The following KCNU1 variants were observed in gnomAD, a reference collection of about 807,000 sequenced individuals.
KCNU1 encodes potassium channel subfamily U member 1.
A neutral mutation model predicts 126.8 loss-of-function variants in KCNU1; 93 were observed. The observed-to-expected ratio is 0.73, with a 90% CI of 0.62 to 0.87. KCNU1 has a LOEUF of 0.87. Ranked by LOEUF, KCNU1 falls within the 40% of genes least tolerant of loss-of-function variation. The pLI is 0.00. For missense variants in KCNU1, 1,330 were observed against 1,367.1 expected (o/e 0.97, Z 0.43); for synonymous variants, 523 against 494.2 (o/e 1.06, Z -0.77).
At chr8:36,814,627 T>C (rs1039221265) in intron 8 of KCNU1, among the ~76,000 whole-genome samples, 3 of 152,162 alleles carry the variant, frequency 2.0e-5, no homozygotes, top group African/African-American at 4.8e-5. Flanking sequence ...CTTATTAAGC[T>C]CTACATTGAT....
At chr8:36,900,279 A>T (rs1191299935) in intron 19 of KCNU1, among the ~76,000 whole-genome samples, 1 of 152,142 alleles carries the variant, frequency 6.6e-6, no homozygotes, top group Non-Finnish European at 1.5e-5. Context: ...CTTGGCGCTC[A>T]CAGGATCTCT....
At chr8:36,848,912 C>G (rs1301626427) in intron 18 of KCNU1, among the ~76,000 whole-genome samples, 2 of 152,084 alleles carry the variant, frequency 1.3e-5, no homozygotes, top group Non-Finnish European at 1.5e-5. Context: ...TGGGTTCTTT[C>G]TCAGAGATCA....
intron 19 of KCNU1, among the ~76,000 whole-genome samples, chr8:36,865,024 G>A (rs12679589): frequency 0.35 from 53,210 of 151,940 alleles, 9,959 homozygotes; most frequent in Admixed American, 0.42. Context: ...ATTTTAATTA[G>A]AGGGGCAATT....
At chr8:36,825,663 A>T (rs1804291907) in intron 10 of KCNU1, among the ~76,000 whole-genome samples, 2 of 152,288 alleles carry the variant, frequency 1.3e-5, no homozygotes, top group South Asian at 4.1e-4. Flanking sequence ...CATTGTACCC[A>T]TTAAGTAATT....
At chr8:36,893,069 C>T (rs181751482) in intron 19 of KCNU1, among the ~76,000 whole-genome samples, 2 of 152,134 alleles carry the variant, frequency 1.3e-5, no homozygotes, top group Non-Finnish European at 2.9e-5. Context: ...TCAAGCAATT[C>T]TCCTGACTCA....
At chr8:36,865,824 C>A (rs1374765847) in intron 19 of KCNU1, among the ~76,000 whole-genome samples, 6 of 144,436 alleles carry the variant, frequency 4.2e-5, no homozygotes, top group Non-Finnish European at 9.1e-5. Flanking sequence ...ATGTCATACA[C>A]ACACACAGAA....
At chr8:36,931,433 G>A (rs1808700590) in intron 25 of KCNU1, among the ~76,000 whole-genome samples, 1 of 152,058 alleles carries the variant, frequency 6.6e-6, no homozygotes, top group Non-Finnish European at 1.5e-5. Flanking sequence ...GCATCGGAGA[G>A]GCCTGGCAAC....
At chr8:36,888,600 G>A (rs1455186674) in intron 19 of KCNU1, 1 of 533,978 alleles carries the variant, frequency 1.9e-6, no homozygotes, top group Non-Finnish European at 3.8e-6. Context: ...AAGACAACAG[G>A]GAACACTGAT....
chr8:36,847,984 G>GT (rs925593703), intron 18 of KCNU1, among the ~76,000 whole-genome samples: 1 of 152,088 alleles, frequency 6.6e-6, no homozygotes, highest in East Asian at 1.9e-4. Context: ...GTTTTGTTTT[G>GT]TTTTTTGTCT....
intron 19 of KCNU1, among the ~76,000 whole-genome samples, chr8:36,896,786 T>G (rs1807208545): frequency 6.6e-6 from 1 of 152,006 alleles, no homozygotes; most frequent in Admixed American, 6.6e-5. Context: ...GCTTTTGATA[T>G]GAAAAAGAAA....
chr8:36,866,664 G>A (rs1227803520), intron 19 of KCNU1, among the ~76,000 whole-genome samples: 1 of 152,078 alleles, frequency 6.6e-6, no homozygotes, highest in African/African-American at 2.4e-5. Context: ...GCCTGTACGT[G>A]CTAAGTAGGC....
chr8:36,924,206 A>G (rs1050223320), intron 24 of KCNU1, among the ~76,000 whole-genome samples: 1 of 151,890 alleles, frequency 6.6e-6, no homozygotes. Context: ...TGCCTCCCAC[A>G]CTCCTCCTAC....
At chr8:36,858,058 A>G (rs2117314876) in intron 18 of KCNU1, among the ~76,000 whole-genome samples, 1 of 151,788 alleles carries the variant, frequency 6.6e-6, no homozygotes, top group African/African-American at 2.4e-5. Context: ...CTGAGGAGCC[A>G]GTTTATGAAG....
chr8:36,935,737 C>T lies in KCNU1; in HGVS notation c.3267C>T (p.Val1089=). ...DSVTETLYSP[V]YSYQPRTNSL... Reference sequence around the variant, plus strand: ...TTACTGAGACATTGTATTCACCAGTCTATTCTTACCAGCCGAGAACTAACT... The same window carrying T: ...TTACTGAGACATTGTATTCACCAGTTTATTCTTACCAGCCGAGAACTAACT... The change falls in exon 27 of 27, where the codon GTC becomes GTT. Residue 1089 remains valine (V), a synonymous_variant. Coordinates refer to ENST00000399881, the MANE Select transcript of KCNU1 (RefSeq NM_001031836.3). 2 of 1,613,318 alleles carry T rather than the reference C, an allele frequency of 1.2e-6. No individual in the cohort carries two copies. The highest frequency in any genetic ancestry group is 1.7e-6 in the Non-Finnish European group (2 of 1,179,450).
At chr8:36,882,064 C>T (rs1806505099) in intron 19 of KCNU1, among the ~76,000 whole-genome samples, 1 of 152,184 alleles carries the variant, frequency 6.6e-6, no homozygotes, top group African/African-American at 2.4e-5. Flanking sequence ...CAGTCATCTA[C>T]AGCCTCTCCA....
intron 19 of KCNU1, 117 bp from the exon 20 acceptor site, chr8:36,905,591 A>T (rs1440440632): frequency 1.4e-6 from 1 of 705,482 alleles, no homozygotes; most frequent in Non-Finnish European, 2.6e-6. Context: ...ACCTGAGGTC[A>T]TTCTACTTAT....
intron 19 of KCNU1, among the ~76,000 whole-genome samples, chr8:36,886,280 C>T (rs997912960): frequency 6.6e-6 from 1 of 152,144 alleles, no homozygotes; most frequent in Non-Finnish European, 1.5e-5. Context: ...CACTGAACAC[C>T]TATTTACCTC....
intron 19 of KCNU1, among the ~76,000 whole-genome samples, chr8:36,898,756 C>G (rs1032768260): frequency 6.6e-5 from 10 of 151,998 alleles, no homozygotes; most frequent in Admixed American, 2.0e-4. Context: ...AACTTCTACA[C>G]TTACTATGCA....
intron 11 of KCNU1, 98 bp downstream of exon 11, chr8:36,833,757 T>A (rs1215412353): frequency 1.5e-6 from 1 of 664,172 alleles, no homozygotes; most frequent in East Asian, 2.9e-5. Flanking sequence ...TATTTCAGCT[T>A]CTTTAATTGG....
Sources: gnomAD v4.1 joint callset for allele counts (sites outside exome capture counted in the v4.1 genomes callset) on GRCh38, gnomAD v4.1.1 for gene constraint, MANE v1.5 for transcripts, NCBI Gene and HGNC (gene_info 2026-07-23, HGNC 2026-07-21) for gene names.